MARCHF6: variants seen among roughly 807,000 people sequenced by gnomAD.
MARCHF6 encodes the protein E3 ubiquitin-protein ligase MARCHF6.
Under a neutral mutation model 133.7 loss-of-function variants are expected in MARCHF6, and 31 were observed. The ratio of observed to expected loss-of-function variants is 0.23; its 90% CI spans 0.17 to 0.31. MARCHF6 has a LOEUF of 0.31. Ranked by LOEUF, MARCHF6 falls within the 10% of genes least tolerant of loss-of-function variation. The pLI, the probability that MARCHF6 is intolerant of heterozygous loss-of-function variation, is 1.00. For synonymous variants in MARCHF6, 395 were observed against 402.5 expected (o/e 0.98, Z 0.22); for missense variants, 723 against 1,121.6 (o/e 0.64, Z 5.08).
intron 7 of MARCHF6, among the ~76,000 whole-genome samples, chr5:10,392,015 G>A (rs950575102): frequency 3.3e-5 from 5 of 149,672 alleles, no homozygotes; most frequent in African/African-American, 1.2e-4. Context: ...CTGGAGTGCA[G>A]TGGCGCTATC....
intron 1 of MARCHF6, among the ~76,000 whole-genome samples, chr5:10,362,843 TTTGTC>T (rs926356580): frequency 6.6e-5 from 10 of 152,204 alleles, no homozygotes; most frequent in Admixed American, 2.0e-4. Flanking sequence ...TTAAAATCCA[TTTGTC>T]TGGTAGTGTA....
At chr5:10,409,588 A>G (rs990627460) in intron 17 of MARCHF6, among the ~76,000 whole-genome samples, 1 of 152,180 alleles carries the variant, frequency 6.6e-6, no homozygotes, top group Non-Finnish European at 1.5e-5. Context: ...TGCTTGAGTG[A>G]ATTGAGGAGC....
intron 19 of MARCHF6, among the ~76,000 whole-genome samples, chr5:10,412,534 C>T (rs1274692722): frequency 6.6e-6 from 1 of 152,092 alleles, no homozygotes; most frequent in African/African-American, 2.4e-5. Context: ...AGGACTAGGG[C>T]ACATTAGGCA....
intron 15 of MARCHF6, among the ~76,000 whole-genome samples, chr5:10,405,141 T>C (rs917759927): frequency 6.6e-6 from 1 of 152,176 alleles, no homozygotes; most frequent in Non-Finnish European, 1.5e-5. Flanking sequence ...ACTCCTCCTT[T>C]ACCCCATCAC....
At position 10,381,861 on chromosome 5, in the gene MARCHF6, A is replaced by G. The variant is rs750154899; in HGVS notation, c.252A>G (p.Thr84=). 2.5e-6 allele frequency: 4 copies of G among 1,611,900 alleles called. No homozygotes were observed. The highest frequency in any genetic ancestry group is 1.3e-5 in the African/African-American group (1 of 74,986). Residue 84 remains threonine (T), a synonymous_variant, in exon 4 of 26, where the codon ACA becomes ACG. Coordinates refer to ENST00000274140, the MANE Select transcript of MARCHF6 (RefSeq NM_005885.4). ...AAGACATATTTGCTGGACTGGTTACAAGTATTGGCACTGCAATACGATATT... is the reference window on the plus strand; with the variant it reads ...AAGACATATTTGCTGGACTGGTTACGAGTATTGGCACTGCAATACGATATT... ...PIQDIFAGLV[T]SIGTAIRYWF...
chr5:10,360,867 G>C lies in MARCHF6; in HGVS notation c.19+6950G>C, dbSNP rs149018436. On this transcript the variant is annotated intron_variant, in intron 1 of 25. Coordinates refer to ENST00000274140, the MANE Select transcript of MARCHF6 (RefSeq NM_005885.4). Reference sequence around the variant, plus strand: ...AGAATACTTTTTAGACTGAAGCCCTGTGAGTGATTATTGCTGGGCTATCCT... The same window carrying C: ...AGAATACTTTTTAGACTGAAGCCCTCTGAGTGATTATTGCTGGGCTATCCT... Among the ~76,000 whole-genome samples the C allele has an allele frequency of 2.5e-3, 384 of 152,324 alleles. 3 individuals carry two copies. The highest frequency in any genetic ancestry group is 8.9e-3 in the African/African-American group (368 of 41,574).
chr5:10,431,513 T>C lies in MARCHF6; in HGVS notation c.2642+1485T>C, dbSNP rs916293562. Among the ~76,000 whole-genome samples the C allele has an allele frequency of 2.0e-5, 3 of 152,198 alleles. No individual in the cohort carries two copies. In the East Asian group the frequency reaches 5.8e-4, roughly 29 times the overall value. ...TCTTTCCTCTTTTCCCATCTGTTCC[T>C]TTATGCAGAAAGGTGTTGAACTGTA... is the stretch of plus-strand genomic sequence containing the variant. On this transcript the variant is annotated intron_variant, in intron 25 of 25. Coordinates refer to ENST00000274140, the MANE Select transcript of MARCHF6 (RefSeq NM_005885.4).
In MARCHF6 at chr5:10,437,018, A is replaced by T. The variant is rs1740679890; in HGVS notation, c.*3334A>T. 6.6e-6 allele frequency: 1 copy of T among 152,258 alleles called. No individual in the cohort carries two copies. The highest frequency in any genetic ancestry group is 1.5e-5 in the Non-Finnish European group (1 of 68,044). The allele number at this position is 152,258 out of a possible 1,614,324, so 9.4% of individuals were successfully genotyped here. A position where few individuals can be genotyped will look rare whatever the true frequency, so the allele number is the denominator to read the frequency against. On this transcript the variant is annotated 3_prime_UTR_variant, in exon 26 of 26. Transcript: ENST00000274140. ...GTCATTTCTGTATTGGCAAAATGCC[A>T]CTATTAAAGTGTAATTCTTGAATTT...
chr5:10,388,595 C>T (rs1049710919), intron 5 of MARCHF6, among the ~76,000 whole-genome samples: 1 of 152,186 alleles, frequency 6.6e-6, no homozygotes, highest in Admixed American at 6.5e-5. Flanking sequence ...TTGCCTAGGT[C>T]ACTCAGCTGT....
intron 1 of MARCHF6, among the ~76,000 whole-genome samples, chr5:10,368,021 C>G (rs922346959): frequency 1.3e-5 from 2 of 152,162 alleles, no homozygotes; most frequent in Non-Finnish European, 2.9e-5. Flanking sequence ...GCATACGAAT[C>G]TGATGGGGGG....
Position 10,387,119 on chromosome 5 carries a change from T to C in MARCHF6, c.407+53T>C, listed in dbSNP as rs890843551. 1.1e-5 allele frequency: 14 copies of C among 1,294,660 alleles called. No homozygotes were observed. The African/African-American group carries it at 1.8e-4, about 16-fold the overall frequency. The allele number at this position is 1,294,660 out of a possible 1,614,324, so 80.2% of individuals were successfully genotyped here. A position where few individuals can be genotyped will look rare whatever the true frequency, so the allele number is the denominator to read the frequency against. On this transcript the variant is annotated intron_variant, in intron 5 of 25. Transcript: ENST00000274140. ...TTGCATGATGTAGATGATGCTTGCT[T>C]TTTTCCTTGCATATTTATTTTATTA...
chr5:10,357,187 AAGT>A (rs1735523197), intron 1 of MARCHF6, among the ~76,000 whole-genome samples: 1 of 150,864 alleles, frequency 6.6e-6, no homozygotes, highest in African/African-American at 2.4e-5. Context: ...TTTCAGAGAA[AAGT>A]CTATCCTTTG....
At chr5:10,364,512 C>G (rs1425307453) in intron 1 of MARCHF6, among the ~76,000 whole-genome samples, 3 of 152,092 alleles carry the variant, frequency 2.0e-5, no homozygotes, top group Non-Finnish European at 4.4e-5. Context: ...TTAACTGCCC[C>G]TAGCCAAAAG....
At chr5:10,382,142 G>A (rs947984177) in intron 4 of MARCHF6, among the ~76,000 whole-genome samples, 199 bp downstream of exon 4, 6 of 152,190 alleles carry the variant, frequency 3.9e-5, no homozygotes, top group Admixed American at 6.5e-5. Context: ...TTGAGTGAAT[G>A]TGGGAAAGAA....
At chr5:10,411,606 G>A in intron 19 of MARCHF6, 69 bp downstream of exon 19, 15 of 1,278,234 alleles carry the variant, frequency 1.2e-5, no homozygotes, top group Non-Finnish European at 1.6e-5. Context: ...AATTGCTGTT[G>A]AGAATTGGTG....
At chr5:10,433,469 G>A (rs996024509) in intron 25 of MARCHF6, 125 bp from the exon 26 acceptor site, 7 of 691,432 alleles carry the variant, frequency 1.0e-5, no homozygotes, top group African/African-American at 1.8e-5. Flanking sequence ...GTGTTCACTC[G>A]GGACTCCCTT....
At position 10,426,564 on chromosome 5, in the gene MARCHF6, T is replaced by A. The variant is rs746850797; in HGVS notation, c.2506+42T>A. The A allele has an allele frequency of 2.5e-6, 4 of 1,606,548 alleles. No individual in the cohort carries two copies. The East Asian group carries it at 6.7e-5, about 27-fold the overall frequency. ...GTGGAGCCTTGAAGGAGCACTTTTATTAACATTGGACATTCTCTTTACCCC... is the reference window on the plus strand; with the variant it reads ...GTGGAGCCTTGAAGGAGCACTTTTAATAACATTGGACATTCTCTTTACCCC... On this transcript the variant is annotated intron_variant, in intron 24 of 25. Coordinates refer to ENST00000274140, the MANE Select transcript of MARCHF6 (RefSeq NM_005885.4).
At chr5:10,390,786 A>G (rs555822539) in intron 6 of MARCHF6, among the ~76,000 whole-genome samples, 4 of 152,298 alleles carry the variant, frequency 2.6e-5, no homozygotes, top group African/African-American at 9.6e-5. Context: ...ATTTGAAAAC[A>G]TTTCCTCAAG....
chr5:10,390,599 A>G, intron 6 of MARCHF6, 99 bp downstream of exon 6: 2 of 1,166,756 alleles, frequency 1.7e-6, no homozygotes, highest in Non-Finnish European at 2.4e-6. Flanking sequence ...TCCCTCATAA[A>G]CATTCTTTTG....
Sources: gnomAD v4.1 joint callset for allele counts (sites outside exome capture counted in the v4.1 genomes callset) on GRCh38, gnomAD v4.1.1 for gene constraint, MANE v1.5 for transcripts, NCBI Gene and HGNC (gene_info 2026-07-23, HGNC 2026-07-21) for gene names.